The following LPCAT1 variants were observed in gnomAD, a reference collection of about 807,000 sequenced individuals.
LPCAT1 encodes the protein 1-acylglycerol-3-phosphate O-acyltransferase.
LPCAT1 carries 23 observed loss-of-function variants against 60.9 expected under a neutral mutation model. That is an observed-to-expected ratio of 0.38 (90% CI 0.27 to 0.53). The LOEUF (loss-of-function observed/expected upper bound fraction) is 0.53. Among genes scored for constraint, LPCAT1 ranks in the 20% least tolerant of loss-of-function variants. The pLI is 0.82. For missense variants in LPCAT1, 622 were observed against 723.6 expected, an observed-to-expected ratio of 0.86 and a Z score of 1.61; for synonymous variants, 340 against 301.1, an observed-to-expected ratio of 1.13 and a Z score of -1.34.
chr5:1,463,374 G>T lies in LPCAT1; in HGVS notation c.*277C>A. On this transcript the variant is annotated 3_prime_UTR_variant, in exon 14 of 14. Coordinates refer to ENST00000283415, the MANE Select transcript of LPCAT1 (RefSeq NM_024830.5). ...CCGTGGGAGAACACGGGGCGGCACC[G>T]GTGCCCCCCGCCCGGCAGGGAACCT... The T allele has an allele frequency of 2.3e-6, 1 of 438,588 alleles. No homozygotes were observed. The highest frequency in any genetic ancestry group is 4.1e-6 in the Non-Finnish European group (1 of 245,548). 27.2% of individuals were successfully genotyped at this position (438,588 alleles called of 1,614,324 possible). A position where few individuals can be genotyped will look rare whatever the true frequency, so the allele number is the denominator to read the frequency against.
chr5:1,492,463 A>G (rs1475387769), intron 3 of LPCAT1, among the ~76,000 whole-genome samples: 1 of 152,214 alleles, frequency 6.6e-6, no homozygotes, highest in African/African-American at 2.4e-5. Flanking sequence ...GCCCCAGGAC[A>G]ATGGCCCTTT....
intron 1 of LPCAT1, among the ~76,000 whole-genome samples, chr5:1,510,379 C>T (rs897234033): frequency 6.6e-6 from 1 of 152,252 alleles, no homozygotes; most frequent in Non-Finnish European, 1.5e-5. Flanking sequence ...TCTACTCCAC[C>T]GTCCTCACCA....
chr5:1,513,177 C>T (rs1469509418), intron 1 of LPCAT1, among the ~76,000 whole-genome samples: 1 of 152,182 alleles, frequency 6.6e-6, no homozygotes, highest in East Asian at 1.9e-4. Context: ...GGCTGGCCTC[C>T]GGGTCCTGCC....
intron 3 of LPCAT1, among the ~76,000 whole-genome samples, chr5:1,493,859 G>A (rs555724626): frequency 2.0e-5 from 3 of 152,356 alleles, no homozygotes; most frequent in East Asian, 1.9e-4. Flanking sequence ...GAGGTAACTC[G>A]TTAAGGATCT....
chr5:1,476,595 G>T lies in LPCAT1; in HGVS notation c.899+809C>A, dbSNP rs1734929175. On this transcript the variant is annotated intron_variant, in intron 9 of 13. Coordinates refer to ENST00000283415, the MANE Select transcript of LPCAT1 (RefSeq NM_024830.5). This position sits in a 1 kb window ranked among gnomAD's most constrained non-coding sequence, Gnocchi z 8.6. The stretch of plus-strand genomic sequence containing the variant: ...CCTGGGGGTGGGGCCGGTGGACCGA[G>T]GCTGATGTGGCTTCCAAGTGGCTCC... Among the ~76,000 whole-genome samples, 1 of 152,202 alleles carries T rather than the reference G, an allele frequency of 6.6e-6. No homozygotes were observed. Among genetic ancestry groups the T allele is most frequent in the African/African-American group, 2.4e-5 (1 of 41,436 alleles).
intron 7 of LPCAT1, 107 bp from the exon 8 acceptor site, chr5:1,479,782 T>C (rs1201299372): frequency 1.2e-6 from 1 of 839,572 alleles, no homozygotes; most frequent in East Asian, 2.7e-5. Flanking sequence ...CAGAGGGCGC[T>C]ACTGGGCAGT....
intron 1 of LPCAT1, among the ~76,000 whole-genome samples, chr5:1,508,355 G>C (rs1736248712): frequency 6.6e-6 from 1 of 152,222 alleles, no homozygotes; most frequent in South Asian, 2.1e-4. Context: ...CAGGACTCCA[G>C]AGGGTGACTG....
At chr5:1,513,974 C>A (rs978156279) in intron 1 of LPCAT1, among the ~76,000 whole-genome samples, 3 of 152,218 alleles carry the variant, frequency 2.0e-5, no homozygotes, top group Non-Finnish European at 2.9e-5. Flanking sequence ...TGGGGCGGGA[C>A]ACCCTGCGAT....
rs958807908 is a variant in LPCAT1, at chr5:1,495,932, G to A, written c.279-1018C>T. On this transcript the variant is annotated intron_variant, in intron 2 of 13. Transcript: ENST00000283415. The surrounding 1 kb of genome is among the most constrained non-coding windows in gnomAD (Gnocchi z 4.7). ...GTGGGGCCACCTTGGAATGGCCTTT[G>A]TGTATGCGATGATAAACAATGGTGT... 1.3e-5 allele frequency among the ~76,000 whole-genome samples: 2 copies of A among 152,220 alleles called. No individual in the cohort carries two copies. The highest frequency in any genetic ancestry group is 2.9e-5 in the Non-Finnish European group (2 of 68,048).
At chr5:1,506,788 C>T (rs1488275395) in intron 1 of LPCAT1, among the ~76,000 whole-genome samples, 1 of 152,248 alleles carries the variant, frequency 6.6e-6, no homozygotes, top group African/African-American at 2.4e-5. Context: ...GCACCGGGCA[C>T]AGCCATTCCT....
At chr5:1,512,147 C>A (rs893008123) in intron 1 of LPCAT1, among the ~76,000 whole-genome samples, 1 of 152,200 alleles carries the variant, frequency 6.6e-6, no homozygotes, top group Non-Finnish European at 1.5e-5. Context: ...CACGGCCACC[C>A]GGACAGGGCT....
rs1736065206 is a variant in LPCAT1 at position 1,502,771 on chromosome 5, G to A, written c.136-1168C>T. ...GCAGCAGCCATCCCTAATTTCTGAT[G>A]CCTGTCATGAGAGCGCTCCCACTCT... On this transcript the variant is annotated intron_variant, in intron 1 of 13. Transcript: ENST00000283415. The surrounding 1 kb of genome is among the most constrained non-coding windows in gnomAD (Gnocchi z 5.5). Among the ~76,000 whole-genome samples, 1 of 152,094 alleles carries A rather than the reference G, an allele frequency of 6.6e-6. No homozygotes were observed. Among genetic ancestry groups the A allele is most frequent in the African/African-American group, 2.4e-5 (1 of 41,392 alleles).
chr5:1,523,777 A>G lies in LPCAT1; in HGVS notation c.68T>C (p.Leu23Pro), dbSNP rs1490004527. Residue 23 changes from leucine (L) to proline (P), a missense_variant, in exon 1 of 14, where the codon CTG (leucine) becomes CCG (proline). Coordinates refer to ENST00000283415, the MANE Select transcript of LPCAT1 (RefSeq NM_024830.5). This position sits in a 1 kb window ranked among gnomAD's most constrained non-coding sequence, Gnocchi z 7.1. ...ASSAGASDAR[L>P]LAPPGRNPFV... Reference sequence around the variant, plus strand: ...GGGGTTCCGCCCCGGGGGCGCCAGCAGCCGAGCGTCGCTGGCCCCTGCGCT... The same window carrying G: ...GGGGTTCCGCCCCGGGGGCGCCAGCGGCCGAGCGTCGCTGGCCCCTGCGCT... 1.7e-6 allele frequency: 2 copies of G among 1,149,844 alleles called. No homozygotes were observed. The highest frequency in any genetic ancestry group is 2.1e-6 in the Non-Finnish European group (2 of 932,774). 71.2% of individuals were successfully genotyped at this position (1,149,844 alleles called of 1,614,324 possible).
At chr5:1,510,016 A>G (rs549166900) in intron 1 of LPCAT1, among the ~76,000 whole-genome samples, 2 of 152,270 alleles carry the variant, frequency 1.3e-5, no homozygotes, top group Non-Finnish European at 2.9e-5. Context: ...GGGTATTCCC[A>G]TTTCTGTTTG....
At position 1,522,112 on chromosome 5, in the gene LPCAT1, G is replaced by A. The variant is rs1031139855; in HGVS notation, c.135+1598C>T. Among the ~76,000 whole-genome samples, 44 of 152,196 alleles carry A rather than the reference G, an allele frequency of 2.9e-4. No homozygotes were observed. The highest frequency in any genetic ancestry group is 1.0e-3 in the African/African-American group (43 of 41,450). On this transcript the variant is annotated intron_variant, in intron 1 of 13. Transcript: ENST00000283415. This position sits in a 1 kb window ranked among gnomAD's most constrained non-coding sequence, Gnocchi z 6.8. ...TGAGGCAGCCATAGCTGGGGCAGGA[G>A]CAGGGCTGGGGAAGCCCTGGAAACC...
chr5:1,513,392 C>T (rs760243078), intron 1 of LPCAT1, among the ~76,000 whole-genome samples: 2 of 152,200 alleles, frequency 1.3e-5, no homozygotes, highest in African/African-American at 2.4e-5. Flanking sequence ...CCTTCCATTG[C>T]TGCCTGGTGA....
chr5:1,494,948 C>A (rs770107787), intron 2 of LPCAT1, 34 bp from the exon 3 acceptor site: 13 of 1,545,098 alleles, frequency 8.4e-6, no homozygotes, highest in South Asian at 1.2e-5. Context: ...CGCGGGCACA[C>A]GTCCGCAGTC....
rs878889575 is a variant in LPCAT1, at chr5:1,523,827, G to A, written c.18C>T (p.Cys6=). MRLRG[C]GPRAAPASSA... Reference sequence around the variant, plus strand: ...TGGAGGCAGGGGCGGCCCGGGGTCCGCATCCCCGCAGCCTCATGGCCGCGC... The same window carrying A: ...TGGAGGCAGGGGCGGCCCGGGGTCCACATCCCCGCAGCCTCATGGCCGCGC... Residue 6 remains cysteine, a synonymous_variant, in exon 1 of 14, where the codon TGC becomes TGT. Coordinates refer to ENST00000283415, the MANE Select transcript of LPCAT1 (RefSeq NM_024830.5). The surrounding 1 kb of genome is among the most constrained non-coding windows in gnomAD (Gnocchi z 7.1). 29 of 1,079,198 alleles carry A rather than the reference G, an allele frequency of 2.7e-5. No individual in the cohort carries two copies. In the South Asian group the frequency reaches 9.7e-4, roughly 36 times the overall value. 66.9% of individuals were successfully genotyped at this position (1,079,198 alleles called of 1,614,324 possible).
At chr5:1,482,760 A>G (rs1735211413) in intron 6 of LPCAT1, among the ~76,000 whole-genome samples, 2 of 149,950 alleles carry the variant, frequency 1.3e-5, no homozygotes, top group Non-Finnish European at 1.5e-5. Context: ...GCTGGGGCAG[A>G]GCCAGGGCAG....
Sources: gnomAD v4.1 joint callset for allele counts (sites outside exome capture counted in the v4.1 genomes callset) on GRCh38, gnomAD v4.1.1 for gene constraint, Gnocchi (gnomAD v3.1) non-coding constraint, MANE v1.5 for transcripts, NCBI Gene and HGNC (gene_info 2026-07-23, HGNC 2026-07-21) for gene names.